TNRC18: variants seen among roughly 807,000 people sequenced by gnomAD.
TNRC18 encodes trinucleotide repeat containing 18, also known as trinucleotide repeat-containing gene 18 protein.
TNRC18 carries 69 observed loss-of-function variants against 226.7 expected under a neutral mutation model. That is an observed-to-expected ratio of 0.30 (90% CI 0.25 to 0.37). The LOEUF (loss-of-function observed/expected upper bound fraction) is 0.37, where lower values mean the gene tolerates loss of function less well. TNRC18 is among the 10% of genes least tolerant of loss of function. The pLI is 1.00. For synonymous variants in TNRC18, 2,449 were observed against 1,927.6 expected (o/e 1.27, Z -7.09); for missense variants, 4,754 against 4,256.6 (o/e 1.12, Z -3.25).
At position 5,308,709 on chromosome 7, in the gene TNRC18, G is replaced by C. The variant is rs181409483; in HGVS notation, c.8700+166C>G. ...CAGAGACAGACGCACAGACCAGAGA[G>C]ACAGAGAACAGGAGCCAGGCACTGA... On this transcript the variant is annotated intron_variant, in intron 29 of 29. Coordinates refer to ENST00000430969, the MANE Select transcript of TNRC18 (RefSeq NM_001080495.3). Among the ~76,000 whole-genome samples, 1,168 of 152,262 alleles carry C rather than the reference G, an allele frequency of 7.7e-3. 8 individuals are homozygous for C. The highest frequency in any genetic ancestry group is 0.013 in the Non-Finnish European group (873 of 68,036).
At position 5,388,059 on chromosome 7, in the gene TNRC18, T is replaced by C; in HGVS notation, c.1765A>G (p.Ile589Val). 1.3e-6 allele frequency: 2 copies of C among 1,559,714 alleles called. No homozygotes were observed. Among genetic ancestry groups the C allele is most frequent in the Non-Finnish European group, 1.7e-6 (2 of 1,152,566 alleles). ...CGGGCAAAGCTGCCACTGTACTTTA[T>C]AAGGCTCTGCATGGCCGAGGCCTCT... ...SGEASAMQSL[I>V]KYSGSFARDA... Residue 589 changes from isoleucine (I) to valine (V), a missense_variant, in exon 5 of 30, where the codon ATA becomes GTA. Physicochemically the swap from Ile to Val is conservative, Grantham distance 29 (BLOSUM62 3). Coordinates refer to ENST00000430969, the MANE Select transcript of TNRC18 (RefSeq NM_001080495.3).
chr7:5,332,424 T>G (rs139136555), intron 19 of TNRC18, among the ~76,000 whole-genome samples, 198 bp downstream of exon 19: 2 of 152,056 alleles, frequency 1.3e-5, no homozygotes, highest in Non-Finnish European at 2.9e-5. Flanking sequence ...AGAGCAAGAG[T>G]TGACTCTTAA....
chr7:5,384,758 C>T (rs968806359), intron 5 of TNRC18, among the ~76,000 whole-genome samples: 1 of 152,196 alleles, frequency 6.6e-6, no homozygotes, highest in African/African-American at 2.4e-5. Context: ...CCAATCCAAG[C>T]GCTGTTGGCC....
chr7:5,351,910 G>A lies in TNRC18; in HGVS notation c.5379C>T (p.Ala1793=), dbSNP rs757648595. ...GACAAAACGGCTGCTTCCTGCTGGTGGCCGGCTTGGGTTTCAGAGTCCGGG... is the reference window on the plus strand; with the variant it reads ...GACAAAACGGCTGCTTCCTGCTGGTAGCCGGCTTGGGTTTCAGAGTCCGGG... The part of the protein sequence containing the change: ...AAPRTLKPKP[A]TSRKQPFCLL... Residue 1793 remains alanine (A), a synonymous_variant, in exon 17 of 30, where the codon GCC becomes GCT. Coordinates refer to ENST00000430969, the MANE Select transcript of TNRC18 (RefSeq NM_001080495.3). 6.2e-7 allele frequency: 1 copy of A among 1,613,660 alleles called. No homozygotes were observed. The highest frequency in any genetic ancestry group is 8.5e-7 in the Non-Finnish European group (1 of 1,179,820).
At chr7:5,330,704 C>T (rs1236773402) in intron 19 of TNRC18, among the ~76,000 whole-genome samples, 2 of 152,036 alleles carry the variant, frequency 1.3e-5, no homozygotes, top group Admixed American at 1.3e-4. Flanking sequence ...GACAGAGTCT[C>T]ACTCTGTCGC....
rs1174389160 is a variant in TNRC18 at position 5,324,148 on chromosome 7, G to A, written c.6442+66C>T. On this transcript the variant is annotated intron_variant, in intron 21 of 29. Transcript: ENST00000430969. The surrounding 1 kb of genome is among the most constrained non-coding windows in gnomAD (Gnocchi z 4.8). ...GCCCTTCAGTCTCAAGCCTTGCTCA[G>A]ATCTGCCTCCCCCAAGGGAGGCTCC... 1.3e-6 allele frequency: 2 copies of A among 1,514,418 alleles called. No homozygotes were observed. Among genetic ancestry groups the A allele is most frequent in the South Asian group, 2.4e-5 (2 of 81,758 alleles). The allele number at this position is 1,514,418 out of a possible 1,614,324, so 93.8% of individuals were successfully genotyped here.
intron 2 of TNRC18, among the ~76,000 whole-genome samples, chr7:5,401,777 G>A (rs947807909): frequency 2.0e-5 from 3 of 152,144 alleles, no homozygotes; most frequent in African/African-American, 4.8e-5. Context: ...GCTGCACATC[G>A]GAGGTACTCA....
chr7:5,327,263 T>A (rs1459287459), intron 19 of TNRC18, among the ~76,000 whole-genome samples: 1 of 151,794 alleles, frequency 6.6e-6, no homozygotes, highest in Non-Finnish European at 1.5e-5. Flanking sequence ...AAAATGAAAG[T>A]CAAAGCAGAG....
Position 5,340,629 on chromosome 7 carries a change from G to C in TNRC18, c.5719+4933C>G, listed in dbSNP as rs189572569. Among the ~76,000 whole-genome samples, 382 of 150,804 alleles carry C rather than the reference G, an allele frequency of 2.5e-3. 3 individuals are homozygous for C. Among genetic ancestry groups the C allele is most frequent in the African/African-American group, 8.9e-3 (364 of 41,086 alleles). ...GTAGTGGCGGGTGCCTGTAATCCCA[G>C]CTACTTGGGAGGCTGAGGCAGGAGA... On this transcript the variant is annotated intron_variant, in intron 18 of 29. Coordinates refer to ENST00000430969, the MANE Select transcript of TNRC18 (RefSeq NM_001080495.3).
At chr7:5,369,435 AAG>A in intron 11 of TNRC18, among the ~76,000 whole-genome samples, 1 of 152,316 alleles carries the variant, frequency 6.6e-6, no homozygotes, top group Non-Finnish European at 1.5e-5. Flanking sequence ...GCTAGCAAGA[AAG>A]AGGTGGCCTC....
intron 24 of TNRC18, among the ~76,000 whole-genome samples, chr7:5,317,467 T>G (rs1490971051): frequency 6.6e-6 from 1 of 152,082 alleles, no homozygotes; most frequent in African/African-American, 2.4e-5. Flanking sequence ...GGTGCATGCC[T>G]GTAATCCCAG....
Position 5,309,008 on chromosome 7 carries a change from A to G in TNRC18, c.8626-59T>C. On this transcript the variant is annotated intron_variant, in intron 28 of 29. Transcript: ENST00000430969. This position sits in a 1 kb window ranked among gnomAD's most constrained non-coding sequence, Gnocchi z 5.7. The stretch of plus-strand genomic sequence containing the variant: ...CCCGGGGGCTGCTGCACCCGACCCC[A>G]GGCCCCAGGACAGGGCTGACCCACT... 2 of 1,548,974 alleles carry G rather than the reference A, an allele frequency of 1.3e-6. No individual in the cohort carries two copies. The highest frequency in any genetic ancestry group is 2.3e-5 in the South Asian group (2 of 85,128).
At chr7:5,421,788 G>A (rs1420079557) in intron 1 of TNRC18, among the ~76,000 whole-genome samples, 1 of 152,222 alleles carries the variant, frequency 6.6e-6, no homozygotes, top group African/African-American at 2.4e-5. Flanking sequence ...CCCGAAACCG[G>A]GGAGGGCTCC....
In TNRC18 at chr7:5,313,217, C is replaced by T. The variant is rs1017178070; in HGVS notation, c.7674G>A (p.Glu2558=). Residue 2558 remains glutamate, a synonymous_variant, in exon 27 of 30, where the codon GAG becomes GAA. Coordinates refer to ENST00000430969, the MANE Select transcript of TNRC18 (RefSeq NM_001080495.3). ...QAEQDGAEES[E]SSSSSSSGSS... is the part of the protein sequence containing the mutation. ...TGCCACTACTGCTGCTGCTGCTGCT[C>T]TCGGACTCTTCGGCCCCGTCCTGCT... The T allele has an allele frequency of 1.5e-5, 24 of 1,548,800 alleles. No homozygotes were observed. In the African/African-American group the frequency reaches 3.1e-4, roughly 20 times the overall value.
chr7:5,321,040 G>T, intron 22 of TNRC18, 33 bp downstream of exon 22: 1 of 1,461,484 alleles, frequency 6.8e-7, no homozygotes, highest in South Asian at 1.2e-5. Flanking sequence ...TATGGGACAC[G>T]GGGCTCTGTG....
chr7:5,397,954 A>G (rs1447213206), intron 2 of TNRC18, among the ~76,000 whole-genome samples: 1 of 151,936 alleles, frequency 6.6e-6, no homozygotes, highest in East Asian at 1.9e-4. Flanking sequence ...GTGACCTGCC[A>G]CCCAGGACAT....
Position 5,398,042 on chromosome 7 carries a change from C to T in TNRC18, c.188-3447G>A, listed in dbSNP as rs935784401. Among the ~76,000 whole-genome samples the T allele has an allele frequency of 5.3e-5, 8 of 152,098 alleles. No homozygotes were observed. The South Asian group carries it at 1.7e-3, about 32-fold the overall frequency. On this transcript the variant is annotated intron_variant, in intron 2 of 29. Coordinates refer to ENST00000430969, the MANE Select transcript of TNRC18 (RefSeq NM_001080495.3). ...CAGGGTCTCACTCTGTTCAATTCAC[C>T]CAGGCTGCAGTGCAGTGGCTCGATC... is the stretch of plus-strand genomic sequence containing the variant.
At chr7:5,411,215 CAAA>C (rs35392221) in intron 2 of TNRC18, among the ~76,000 whole-genome samples, 3 of 75,978 alleles carry the variant, frequency 3.9e-5, no homozygotes, top group Admixed American at 1.5e-4. Context: ...GACTCCATCT[CAAA>C]AAAAAAAAAA....
chr7:5,363,245 G>T (rs980574770), intron 11 of TNRC18, among the ~76,000 whole-genome samples: 1 of 151,940 alleles, frequency 6.6e-6, no homozygotes, highest in Non-Finnish European at 1.5e-5. Context: ...AGAGGTTGCA[G>T]TGAGCTGAGT....
Sources: allele counts gnomAD v4.1 joint callset (sites outside exome capture counted in the v4.1 genomes callset), GRCh38; gene constraint gnomAD v4.1.1; non-coding constraint Gnocchi (gnomAD v3.1); transcripts MANE v1.5; gene names NCBI Gene and HGNC (gene_info 2026-07-23, HGNC 2026-07-21).